CLRN3: variants seen among roughly 807,000 people sequenced by gnomAD.
CLRN3 encodes clarin-3.
Under a neutral mutation model 16.7 loss-of-function variants are expected in CLRN3, and 12 were observed. The ratio of observed to expected loss-of-function variants is 0.72; its 90% confidence interval spans 0.46 to 1.16. The LOEUF (loss-of-function observed/expected upper bound fraction) is 1.16. Among genes scored for constraint, CLRN3 ranks in the 50% most tolerant of loss-of-function variants. CLRN3 has a pLI of 0.00. For synonymous variants in CLRN3, 118 were observed against 113.0 expected (o/e 1.04, Z -0.28); for missense variants, 296 against 274.2 (o/e 1.08, Z -0.56).
At position 127,877,976 on chromosome 10, in the gene CLRN3, G is replaced by A. The variant is rs1243966911; in HGVS notation, c.*173C>T. The A allele has an allele frequency of 2.6e-6, 2 of 755,194 alleles. No individual in the cohort carries two copies. The highest frequency in any genetic ancestry group is 4.2e-6 in the Non-Finnish European group (2 of 480,588). The allele number at this position is 755,194 out of a possible 1,614,324, so 46.8% of individuals were successfully genotyped here. A position where few individuals can be genotyped will look rare whatever the true frequency, so the allele number is the denominator to read the frequency against. ...ATTTCCCATTCATTTCCCCAACCTT[G>A]TGGGAAAAATTTTCAGGAGTACAGC... On this transcript the variant is annotated 3_prime_UTR_variant, in exon 3 of 3. Transcript: ENST00000368671.
At chr10:127,887,989 G>A (rs975957577) in intron 1 of CLRN3, among the ~76,000 whole-genome samples, 1 of 152,058 alleles carries the variant, frequency 6.6e-6, no homozygotes, top group Non-Finnish European at 1.5e-5. Context: ...TGGATAATGG[G>A]CGCCCATGAG....
chr10:127,887,127 G>A (rs901258558), intron 1 of CLRN3, among the ~76,000 whole-genome samples: 2 of 152,000 alleles, frequency 1.3e-5, no homozygotes, highest in African/African-American at 4.8e-5. Flanking sequence ...CACTTGTTTT[G>A]AAAGTAATAG....
chr10:127,884,777 G>A (rs2135081395), intron 1 of CLRN3, among the ~76,000 whole-genome samples: 1 of 152,320 alleles, frequency 6.6e-6, no homozygotes, highest in South Asian at 2.1e-4. Context: ...TTTTGTGGAG[G>A]ATGCAATGCC....
rs777423555 is a variant in CLRN3, at chr10:127,892,626, G to T, written c.159C>A (p.Tyr53Ter). Residue 53 changes from tyrosine to a stop codon, truncating the protein, a stop_gained, in exon 1 of 3, where the codon TAC becomes TAA. Coordinates refer to ENST00000368671, the MANE Select transcript of CLRN3 (RefSeq NM_152311.5). LOFTEE classifies it high-confidence loss of function. Reference protein sequence around the residue: ...SASNGSIFITYGLFRGESSEE... With the variant: ...SASNGSIFIT Reference sequence around the variant, plus strand: ...CACTACTCTCCCCACGAAAAAGTCCGTAAGTGATGAAAATGCTCCCATTTG... The same window carrying T: ...CACTACTCTCCCCACGAAAAAGTCCTTAAGTGATGAAAATGCTCCCATTTG... 5 of 1,613,034 alleles carry T rather than the reference G, an allele frequency of 3.1e-6. No homozygotes were observed. The highest frequency in any genetic ancestry group is 4.2e-6 in the Non-Finnish European group (5 of 1,179,150).
rs567307350 is a variant in CLRN3 at position 127,883,793 on chromosome 10, C to T, written c.312G>A (p.Ser104=). The change falls in exon 2 of 3, where the codon TCG becomes TCA. Residue 104 remains serine, a synonymous_variant. Coordinates refer to ENST00000368671, the MANE Select transcript of CLRN3 (RefSeq NM_152311.5). ...ILFLVLSLIT[S]LLSSGFTFYN... is the part of the protein sequence containing the mutation. ...AGAAGGTAAACCCAGAGCTCAGCAGCGACGTGATCAAACTCAGGACCAGGA... is the reference window on the plus strand; with the variant it reads ...AGAAGGTAAACCCAGAGCTCAGCAGTGACGTGATCAAACTCAGGACCAGGA... The T allele has an allele frequency of 2.6e-5, 42 of 1,613,884 alleles. No individual in the cohort carries two copies. Among genetic ancestry groups the T allele is most frequent in the South Asian group, 9.9e-5 (9 of 91,084 alleles).
chr10:127,879,172 C>T (rs1365103386), intron 2 of CLRN3, among the ~76,000 whole-genome samples: 2 of 152,132 alleles, frequency 1.3e-5, no homozygotes, highest in Non-Finnish European at 1.5e-5. Context: ...TGCAGTGGTA[C>T]AATCTCAGCT....
chr10:127,886,233 G>A (rs1443571594), intron 1 of CLRN3, among the ~76,000 whole-genome samples: 60 of 152,310 alleles, frequency 3.9e-4, no homozygotes, highest in Non-Finnish European at 2.9e-5. Flanking sequence ...TTGGACAGGA[G>A]GACGTCATCA....
chr10:127,883,595 A>G, intron 2 of CLRN3, 101 bp downstream of exon 2: 2 of 876,160 alleles, frequency 2.3e-6, no homozygotes, highest in South Asian at 2.7e-5. Flanking sequence ...TCCTTGGTGT[A>G]AACGTGACTG....
At chr10:127,881,191 C>T (rs1845123620) in intron 2 of CLRN3, among the ~76,000 whole-genome samples, 1 of 152,208 alleles carries the variant, frequency 6.6e-6, no homozygotes, top group African/African-American at 2.4e-5. Context: ...CTCACAGCCT[C>T]CCTCTGTGTG....
chr10:127,885,904 C>T (rs1194904060), intron 1 of CLRN3, among the ~76,000 whole-genome samples: 1 of 152,114 alleles, frequency 6.6e-6, no homozygotes, highest in Non-Finnish European at 1.5e-5. Flanking sequence ...TACAGGCATG[C>T]ACCACCATGC....
intron 1 of CLRN3, among the ~76,000 whole-genome samples, chr10:127,887,721 T>C (rs1845212309): frequency 6.6e-6 from 1 of 152,220 alleles, no homozygotes; most frequent in Non-Finnish European, 1.5e-5. Context: ...CAATACAAGC[T>C]GAAAATTCAG....
intron 1 of CLRN3, among the ~76,000 whole-genome samples, chr10:127,885,265 G>A (rs576963087): frequency 8.5e-5 from 13 of 152,234 alleles, no homozygotes; most frequent in African/African-American, 3.1e-4. Context: ...ACCCATGGGA[G>A]GGGTCACCAA....
chr10:127,880,009 G>T (rs981401816), intron 2 of CLRN3, among the ~76,000 whole-genome samples: 7 of 152,042 alleles, frequency 4.6e-5, no homozygotes, highest in African/African-American at 1.7e-4. Context: ...CTTTCCAAAC[G>T]GTCCATCAAA....
intron 1 of CLRN3, among the ~76,000 whole-genome samples, chr10:127,891,001 CT>C (rs1343001020): frequency 2.0e-5 from 3 of 152,188 alleles, no homozygotes; most frequent in Non-Finnish European, 4.4e-5. Flanking sequence ...TGGGCAGTGA[CT>C]TGGGGAAGGT....
chr10:127,882,412 T>C (rs904296358), intron 2 of CLRN3, among the ~76,000 whole-genome samples: 4 of 152,264 alleles, frequency 2.6e-5, no homozygotes, highest in Admixed American at 1.3e-4. Flanking sequence ...CTCACCGTCC[T>C]ACCTGTGCTG....
chr10:127,884,812 A>T (rs185138395), intron 1 of CLRN3, among the ~76,000 whole-genome samples: 3 of 152,154 alleles, frequency 2.0e-5, no homozygotes, highest in Admixed American at 6.5e-5. Context: ...CTGCACTTAC[A>T]TGTAAGCCCA....
At chr10:127,881,990 T>C (rs1845133917) in intron 2 of CLRN3, among the ~76,000 whole-genome samples, 1 of 152,190 alleles carries the variant, frequency 6.6e-6, no homozygotes, top group South Asian at 2.1e-4. Context: ...AAATAATCTA[T>C]CTCTTTACCC....
At chr10:127,883,048 C>T (rs907263857) in intron 2 of CLRN3, among the ~76,000 whole-genome samples, 1 of 152,198 alleles carries the variant, frequency 6.6e-6, no homozygotes, top group African/African-American at 2.4e-5. Flanking sequence ...CTCCATCCTC[C>T]CAGCACCACA....
At chr10:127,882,440 A>G (rs1285903225) in intron 2 of CLRN3, among the ~76,000 whole-genome samples, 1 of 152,214 alleles carries the variant, frequency 6.6e-6, no homozygotes. Context: ...GCCAGTTTGT[A>G]CATCTCAACT....
Sources: gnomAD v4.1 joint callset for allele counts (sites outside exome capture counted in the v4.1 genomes callset) on GRCh38, gnomAD v4.1.1 for gene constraint, MANE v1.5 for transcripts, NCBI Gene and HGNC (gene_info 2026-07-23, HGNC 2026-07-21) for gene names.